The following SCAF4 variants were observed in gnomAD, a reference collection of about 807,000 sequenced individuals.
SCAF4 encodes the protein SR-related and CTD-associated factor 4.
A neutral mutation model predicts 129.8 loss-of-function variants in SCAF4; 25 were observed. That is an observed-to-expected ratio of 0.19 (90% confidence interval 0.14 to 0.27). The LOEUF (loss-of-function observed/expected upper bound fraction) is 0.27, where lower values mean the gene tolerates loss of function less well. Ranked by LOEUF, SCAF4 falls within the 10% of genes least tolerant of loss-of-function variation. The pLI is 1.00. For synonymous variants in SCAF4, 551 were observed against 497.7 expected (o/e 1.11, Z -1.43); for missense variants, 1,246 against 1,457.1 (o/e 0.86, Z 2.36).
At chr21:31,706,061 C>T (rs1601239601) in intron 2 of SCAF4, among the ~76,000 whole-genome samples, 1 of 152,274 alleles carries the variant, frequency 6.6e-6, no homozygotes, top group South Asian at 2.1e-4. Flanking sequence ...CGCAGTGAGA[C>T]TCTATCCCCC....
chr21:31,708,757 A>T (rs1281324575), intron 1 of SCAF4, among the ~76,000 whole-genome samples: 1 of 152,086 alleles, frequency 6.6e-6, no homozygotes, highest in Non-Finnish European at 1.5e-5. Context: ...CTTGTTCTCA[A>T]CCTCCTGAGT....
Position 31,672,346 on chromosome 21 carries a change from C to T in SCAF4, c.2497G>A (p.Gly833Arg), listed in dbSNP as rs371447774. The T allele has an allele frequency of 3.7e-5, 59 of 1,612,218 alleles. No homozygotes were observed. Among genetic ancestry groups the T allele is most frequent in the Admixed American group, 1.0e-4 (6 of 60,016 alleles). ...TQPVSLLGTQ[G>R]VAPGPVIGLQ... ...CCAATTACAGGACCAGGGGCAACTC[C>T]TTGAGTGCCTAAAAGACGACAAAAA... The change falls in exon 20 of 20, where the codon GGA becomes AGA. Residue 833 changes from glycine to arginine, a missense_variant. Transcript: ENST00000286835.
chr21:31,732,024 C>T lies in SCAF4; in HGVS notation c.-332G>A. ...CCCCCCGCGCCCTCACGCACTGGCT[C>T]ACACTGGCCCGGCCGGCGAGCGGGC... is the stretch of plus-strand genomic sequence containing the variant. On this transcript the variant is annotated 5_prime_UTR_variant, in exon 1 of 20. Coordinates refer to ENST00000286835, the MANE Select transcript of SCAF4 (RefSeq NM_020706.2). 2.2e-6 allele frequency: 1 copy of T among 444,658 alleles called. No homozygotes were observed. Among genetic ancestry groups the T allele is most frequent in the Non-Finnish European group, 3.9e-6 (1 of 256,092 alleles). 27.5% of individuals were successfully genotyped at this position (444,658 alleles called of 1,614,324 possible).
At chr21:31,679,550 A>G (rs1370324166) in intron 19 of SCAF4, among the ~76,000 whole-genome samples, 2 of 152,212 alleles carry the variant, frequency 1.3e-5, no homozygotes, top group East Asian at 3.8e-4. Context: ...CCAATTTTCA[A>G]AGAATGAGAA....
chr21:31,692,477 G>T, intron 12 of SCAF4, 28 bp from the exon 13 acceptor site: 4 of 1,492,080 alleles, frequency 2.7e-6, no homozygotes, highest in Non-Finnish European at 3.7e-6. Context: ...ATCATAAAGA[G>T]ATTCACATTT....
intron 14 of SCAF4, 88 bp downstream of exon 14, chr21:31,691,729 G>T: frequency 2.5e-5 from 10 of 397,132 alleles, no homozygotes; most frequent in Admixed American, 3.7e-5. Flanking sequence ...AAGTCATTTC[G>T]AAGACCCAAA....
chr21:31,671,326 A>C lies in SCAF4; in HGVS notation c.*73T>G. 6.5e-7 allele frequency: 1 copy of C among 1,526,948 alleles called. No homozygotes were observed. Among genetic ancestry groups the C allele is most frequent in the Non-Finnish European group, 8.8e-7 (1 of 1,135,150 alleles). The allele number at this position is 1,526,948 out of a possible 1,614,324, so 94.6% of individuals were successfully genotyped here. ...GCTGCAGTACAGCGGGAGCGGATAT[A>C]ATACAGCATCTGTACACCTCAAGCT... On this transcript the variant is annotated 3_prime_UTR_variant, in exon 20 of 20. Coordinates refer to ENST00000286835, the MANE Select transcript of SCAF4 (RefSeq NM_020706.2).
intron 7 of SCAF4, among the ~76,000 whole-genome samples, chr21:31,699,672 T>A (rs1010605643): frequency 1.3e-5 from 2 of 152,198 alleles, no homozygotes; most frequent in African/African-American, 4.8e-5. Context: ...GTTTTTATAG[T>A]TAGGATGTTG....
chr21:31,710,793 C>A (rs891275807), intron 1 of SCAF4, among the ~76,000 whole-genome samples: 2 of 152,164 alleles, frequency 1.3e-5, no homozygotes, highest in Non-Finnish European at 2.9e-5. Flanking sequence ...GAAAGTGATT[C>A]CAAATTCCAA....
chr21:31,709,679 T>C (rs2050753578), intron 1 of SCAF4, among the ~76,000 whole-genome samples: 2 of 152,166 alleles, frequency 1.3e-5, no homozygotes, highest in South Asian at 4.1e-4. Flanking sequence ...GGTACCATAA[T>C]CTGAGACAGC....
At chr21:31,717,878 CATATATACACATATATACACAT>C (rs2050965473) in intron 1 of SCAF4, among the ~76,000 whole-genome samples, 2 of 105,800 alleles carry the variant, frequency 1.9e-5, no homozygotes, top group African/African-American at 9.0e-5. Flanking sequence ...CACATATACA[CATATATACACATATATACACAT>C]ATATACACAC....
At chr21:31,726,337 G>A (rs1028904053) in intron 1 of SCAF4, among the ~76,000 whole-genome samples, 20 of 152,216 alleles carry the variant, frequency 1.3e-4, no homozygotes, top group African/African-American at 4.3e-4. Context: ...GAGCCACCAC[G>A]CCTGGCGGTG....
intron 19 of SCAF4, among the ~76,000 whole-genome samples, chr21:31,675,508 T>A (rs202450): frequency 0.86 from 130,831 of 152,162 alleles, 56,526 homozygotes; most frequent in East Asian, 0.99. Flanking sequence ...GTAAGCGATG[T>A]AGGAACACAG....
rs765368043 is a variant in SCAF4, at chr21:31,671,778, T to C, written c.3065A>G (p.Asp1022Gly). 2 of 1,614,118 alleles carry C rather than the reference T, an allele frequency of 1.2e-6. No individual in the cohort carries two copies. Among genetic ancestry groups the C allele is most frequent in the Admixed American group, 1.7e-5 (1 of 60,028 alleles). The change falls in exon 20 of 20, where the codon GAT becomes GGT. Residue 1022 changes from aspartate to glycine, a missense_variant. This residue lies in a region of SCAF4 where 339 missense variants were observed against 325.0 expected (regional missense o/e 1.04). Transcript: ENST00000286835. ...DRERYGNRND[D>G]RDNSNRDRRE... Reference sequence around the variant, plus strand: ...CCTGTCACGGTTACTATTATCTCTATCATCATTACGGTTCCCATACCGTTC... The same window carrying C: ...CCTGTCACGGTTACTATTATCTCTACCATCATTACGGTTCCCATACCGTTC...
At chr21:31,729,058 T>C (rs1568872400) in intron 1 of SCAF4, among the ~76,000 whole-genome samples, 1 of 152,186 alleles carries the variant, frequency 6.6e-6, no homozygotes, top group Non-Finnish European at 1.5e-5. Flanking sequence ...TTATCTTTCC[T>C]ACCAAGTCTC....
At chr21:31,714,611 G>A (rs549655211) in intron 1 of SCAF4, among the ~76,000 whole-genome samples, 29 of 152,300 alleles carry the variant, frequency 1.9e-4, no homozygotes, top group Admixed American at 1.4e-3. Flanking sequence ...AAAGAAGAAC[G>A]AGGGTATCTG....
chr21:31,716,049 C>T (rs1394925302), intron 1 of SCAF4, among the ~76,000 whole-genome samples: 3 of 152,038 alleles, frequency 2.0e-5, no homozygotes, highest in African/African-American at 7.2e-5. Context: ...CTAAAGTATG[C>T]TTTTTCCTAC....
chr21:31,694,403 G>C, intron 10 of SCAF4, 114 bp from the exon 11 acceptor site: 1 of 654,186 alleles, frequency 1.5e-6, no homozygotes, highest in East Asian at 2.8e-5. Flanking sequence ...ATTCTCTTTT[G>C]GTTGCCTGGG....
intron 16 of SCAF4, among the ~76,000 whole-genome samples, chr21:31,687,647 CCT>C (rs2050157694): frequency 6.6e-6 from 1 of 151,936 alleles, no homozygotes; most frequent in Non-Finnish European, 1.5e-5. Context: ...TAAGAAAATC[CCT>C]GTCCCTCAAA....
Sources: allele counts gnomAD v4.1 joint callset (sites outside exome capture counted in the v4.1 genomes callset), GRCh38; gene constraint gnomAD v4.1.1; regional missense constraint gnomAD v4.1.1; transcripts MANE v1.5; gene names NCBI Gene and HGNC (gene_info 2026-07-23, HGNC 2026-07-21).